HDAC8: variants seen among roughly 807,000 people sequenced by gnomAD.
HDAC8 encodes the protein histone deacetylase-like 1.
A neutral mutation model predicts 32.2 loss-of-function variants in HDAC8; 1 was observed. The observed-to-expected ratio is 0.03, with a 90% CI of 0.01 to 0.15. The LOEUF is 0.15. Among genes scored for constraint, HDAC8 ranks in the 10% least tolerant of loss-of-function variants. The pLI is 1.00. For missense variants in HDAC8, 117 were observed against 300.0 expected, an observed-to-expected ratio of 0.39 and a Z score of 4.51; for synonymous variants, 108 against 113.9, an observed-to-expected ratio of 0.95 and a Z score of 0.33.
intron 4 of HDAC8, among the ~76,000 whole-genome samples, chrX:72,498,502 G>A (rs2049103958): frequency 9.0e-6 from 1 of 111,468 alleles, no homozygotes; most frequent in Admixed American, 9.6e-5. Flanking sequence ...ATGTTAACTT[G>A]GTCTCCACAT....
chrX:72,514,454 C>T (rs2049714264), intron 4 of HDAC8, among the ~76,000 whole-genome samples: 1 of 111,985 alleles, frequency 8.9e-6, no homozygotes, highest in South Asian at 3.7e-4. Flanking sequence ...GGTCACTGTG[C>T]ATGTTCAGGC....
chrX:72,493,242 G>A (rs1381589669), intron 5 of HDAC8, among the ~76,000 whole-genome samples: 1 of 111,634 alleles, frequency 9.0e-6, no homozygotes, highest in Non-Finnish European at 1.9e-5. Flanking sequence ...TGCTCATTGA[G>A]TAGTGTAGCC....
chrX:72,493,691 A>G (rs1556011280), intron 5 of HDAC8, among the ~76,000 whole-genome samples: 2 of 111,961 alleles, frequency 1.8e-5, no homozygotes, highest in African/African-American at 3.2e-5. Context: ...AAATGGAAAA[A>G]CCATTCTTAT....
At chrX:72,460,446 G>A (rs967972883) in intron 9 of HDAC8, among the ~76,000 whole-genome samples, 4 of 111,446 alleles carry the variant, frequency 3.6e-5, no homozygotes, top group Non-Finnish European at 3.8e-5. Context: ...CCGAGAACTT[G>A]CATTTTTAAA....
intron 4 of HDAC8, among the ~76,000 whole-genome samples, chrX:72,562,693 T>C (rs1359519311): frequency 3.6e-5 from 4 of 109,693 alleles, no homozygotes; most frequent in Non-Finnish European, 5.7e-5. Context: ...AAAATATATA[T>C]ATAAAGTTGT....
chrX:72,508,567 T>C (rs1336034069), intron 4 of HDAC8, among the ~76,000 whole-genome samples: 2 of 112,454 alleles, frequency 1.8e-5, no homozygotes, highest in Non-Finnish European at 3.8e-5. Context: ...AATATAACAG[T>C]ATGAAGAGGT....
intron 9 of HDAC8, among the ~76,000 whole-genome samples, chrX:72,440,633 T>C (rs1352786774): frequency 1.8e-5 from 2 of 112,081 alleles, no homozygotes; most frequent in African/African-American, 6.5e-5. Flanking sequence ...TCTGCATTTC[T>C]ATCTGAGGTA....
intron 7 of HDAC8, among the ~76,000 whole-genome samples, chrX:72,485,945 C>G (rs1320934404): frequency 9.1e-6 from 1 of 110,062 alleles, no homozygotes; most frequent in Non-Finnish European, 1.9e-5. Flanking sequence ...CACGGTGAAA[C>G]CCCGTCTCTA....
chrX:72,380,678 T>G (rs1465144358), intron 9 of HDAC8, among the ~76,000 whole-genome samples: 2 of 111,528 alleles, frequency 1.8e-5, no homozygotes, highest in Admixed American at 1.9e-4. Flanking sequence ...CAGCCCTTTA[T>G]TCTAAAAGTT....
chrX:72,374,951 C>T (rs1286710144), intron 9 of HDAC8, among the ~76,000 whole-genome samples: 2 of 109,745 alleles, frequency 1.8e-5, no homozygotes, highest in Non-Finnish European at 3.8e-5. Flanking sequence ...TCCCAAGTAG[C>T]TGGACCACAG....
At chrX:72,332,812 C>T (rs1392984981) in intron 10 of HDAC8, among the ~76,000 whole-genome samples, 1 of 109,998 alleles carries the variant, frequency 9.1e-6, no homozygotes, top group Non-Finnish European at 1.9e-5. Flanking sequence ...CCACCATGCT[C>T]GACTAATTTT....
chrX:72,378,885 A>C (rs1415236763), intron 9 of HDAC8, among the ~76,000 whole-genome samples: 3 of 103,658 alleles, frequency 2.9e-5, no homozygotes, highest in Non-Finnish European at 5.9e-5. Flanking sequence ...TTTTTTTGAG[A>C]TCAGTCTTGT....
intron 10 of HDAC8, among the ~76,000 whole-genome samples, chrX:72,334,604 T>C (rs902807839): frequency 6.3e-5 from 7 of 111,830 alleles, no homozygotes; most frequent in Non-Finnish European, 1.1e-4. Flanking sequence ...AAATTTCACA[T>C]TTTTATGCAG....
At position 72,329,728 on chromosome X, in the gene HDAC8, G is replaced by A. The variant is rs782702904; in HGVS notation, c.*326C>T. On this transcript the variant is annotated 3_prime_UTR_variant, in exon 11 of 11. Coordinates refer to ENST00000373573, the MANE Select transcript of HDAC8 (RefSeq NM_018486.3). ...CCAGCTTCTGATCTGTTTCATTTAA[G>A]ATGATTAAAATACTCCCCTCCCCAA... The A allele has an allele frequency of 2.1e-5, 25 of 1,173,944 alleles. No homozygotes were observed. The highest frequency in any genetic ancestry group is 2.7e-5 in the Non-Finnish European group (24 of 876,500).
chrX:72,491,040 C>G (rs782442012), intron 5 of HDAC8, 34 bp from the exon 6 acceptor site: 1 of 981,696 alleles, frequency 1.0e-6, no homozygotes, highest in Non-Finnish European at 1.4e-6. Context: ...AGAATCACTT[C>G]ACATATGGCA....
At chrX:72,567,106 C>A (rs1369215405) in intron 4 of HDAC8, among the ~76,000 whole-genome samples, 1 of 112,157 alleles carries the variant, frequency 8.9e-6, no homozygotes, top group Non-Finnish European at 1.9e-5. Context: ...GATCGCGCAA[C>A]TGCACTCTAG....
At chrX:72,394,052 T>G (rs1189866197) in intron 9 of HDAC8, among the ~76,000 whole-genome samples, 1 of 111,509 alleles carries the variant, frequency 9.0e-6, no homozygotes, top group African/African-American at 3.3e-5. Context: ...CCAGTATGAC[T>G]GCCTTCTCCT....
At chrX:72,424,446 G>T (rs2046575084) in intron 9 of HDAC8, among the ~76,000 whole-genome samples, 1 of 110,358 alleles carries the variant, frequency 9.1e-6, no homozygotes, top group Non-Finnish European at 1.9e-5. Flanking sequence ...AATTCTTATT[G>T]GCTATTGGAC....
At chrX:72,434,650 C>T (rs1279922965) in intron 9 of HDAC8, among the ~76,000 whole-genome samples, 2 of 112,009 alleles carry the variant, frequency 1.8e-5, no homozygotes, top group African/African-American at 6.5e-5. Flanking sequence ...TAGGCACTCA[C>T]TGGGTACTAA....
Sources: allele counts gnomAD v4.1 joint callset (sites outside exome capture counted in the v4.1 genomes callset), GRCh38; gene constraint gnomAD v4.1.1; transcripts MANE v1.5; gene names NCBI Gene and HGNC (gene_info 2026-07-23, HGNC 2026-07-21).